The following CORO1C variants were observed in gnomAD, a reference collection of about 807,000 sequenced individuals.
CORO1C encodes the protein coronin-1C.
In CORO1C, 14 loss-of-function variants were observed where a neutral mutation model predicts 51.2. The ratio of observed to expected loss-of-function variants is 0.27; its 90% CI spans 0.18 to 0.43. CORO1C has a LOEUF of 0.43. Ranked by LOEUF, CORO1C falls within the 20% of genes least tolerant of loss-of-function variation. CORO1C has a pLI of 1.00. For synonymous variants in CORO1C, 181 were observed against 210.5 expected, an observed-to-expected ratio of 0.86 and a Z score of 1.21; for missense variants, 417 against 607.8, an observed-to-expected ratio of 0.69 and a Z score of 3.30.
At chr12:108,726,614 A>T (rs2035599210) in intron 1 of CORO1C, among the ~76,000 whole-genome samples, 1 of 151,516 alleles carries the variant, frequency 6.6e-6, no homozygotes, top group South Asian at 2.1e-4. Context: ...GTTCAAGACC[A>T]GCCTATACAA....
chr12:108,703,014 T>C, intron 1 of CORO1C: 4 of 1,368,696 alleles, frequency 2.9e-6, no homozygotes, highest in Non-Finnish European at 3.9e-6. Context: ...TTGGAATCAA[T>C]ATGAATACTT....
At chr12:108,684,996 A>G (rs2034248904) in intron 2 of CORO1C, among the ~76,000 whole-genome samples, 1 of 152,192 alleles carries the variant, frequency 6.6e-6, no homozygotes, top group Non-Finnish European at 1.5e-5. Context: ...GGCCAACTAT[A>G]GTACTGAGCT....
intron 3 of CORO1C, among the ~76,000 whole-genome samples, chr12:108,674,144 A>T (rs2033816148): frequency 6.6e-6 from 1 of 152,356 alleles, no homozygotes; most frequent in African/African-American, 2.4e-5. Flanking sequence ...GCTAACATCA[A>T]TTCTGCAGCC....
chr12:108,648,516 C>G, intron 10 of CORO1C, 89 bp downstream of exon 10: 1 of 1,558,424 alleles, frequency 6.4e-7, no homozygotes, highest in Non-Finnish European at 8.8e-7. Flanking sequence ...CCAGCTGGGA[C>G]AGTACTCGCC....
intron 2 of CORO1C, among the ~76,000 whole-genome samples, chr12:108,698,861 C>G (rs934924711): frequency 6.6e-6 from 1 of 152,240 alleles, no homozygotes; most frequent in Non-Finnish European, 1.5e-5. Flanking sequence ...GATCTTCCCT[C>G]TATGCCACAT....
chr12:108,721,621 T>C (rs1216327857), intron 1 of CORO1C, among the ~76,000 whole-genome samples: 1 of 152,238 alleles, frequency 6.6e-6, no homozygotes, highest in African/African-American at 2.4e-5. Flanking sequence ...ATATTTTGCA[T>C]CATAAAATGT....
At chr12:108,691,096 G>T (rs1228899212) in intron 2 of CORO1C, among the ~76,000 whole-genome samples, 1 of 151,870 alleles carries the variant, frequency 6.6e-6, no homozygotes, top group African/African-American at 2.4e-5. Context: ...AACTTTTTTT[G>T]GGGGGTGGGA....
intron 3 of CORO1C, 103 bp downstream of exon 3, chr12:108,678,169 G>T: frequency 1.0e-6 from 1 of 1,002,654 alleles, no homozygotes; most frequent in Non-Finnish European, 1.4e-6. Flanking sequence ...ATAACGTTCT[G>T]CTTTTCAAGC....
At chr12:108,730,730 T>A (rs1225692439) in intron 1 of CORO1C, 1 of 153,484 alleles carries the variant, frequency 6.5e-6, no homozygotes, top group African/African-American at 2.4e-5. Flanking sequence ...TCTGCTCCCT[T>A]GGCCGGGCTC....
At chr12:108,719,943 G>C (rs1309750948) in intron 1 of CORO1C, among the ~76,000 whole-genome samples, 1 of 152,150 alleles carries the variant, frequency 6.6e-6, no homozygotes, top group East Asian at 1.9e-4. Context: ...CCAGCACTTT[G>C]GGAGGCTGAG....
chr12:108,660,451 C>CAAAAAAAA (rs139334112), intron 4 of CORO1C, among the ~76,000 whole-genome samples: 2 of 87,508 alleles, frequency 2.3e-5, no homozygotes, highest in Non-Finnish European at 4.5e-5. Context: ...AACTCCATCT[C>CAAAAAAAA]AAAAAAAAAA....
At chr12:108,649,088 T>C in intron 8 of CORO1C, 68 bp from the exon 9 acceptor site, 5 of 1,559,144 alleles carry the variant, frequency 3.2e-6, no homozygotes, top group Non-Finnish European at 3.5e-6. Context: ...GGATGAATAA[T>C]TAGTTTTCTA....
chr12:108,667,310 C>A (rs769941523), intron 3 of CORO1C, among the ~76,000 whole-genome samples: 10 of 152,174 alleles, frequency 6.6e-5, no homozygotes, highest in Non-Finnish European at 1.0e-4. Context: ...ACAGTAAGGA[C>A]AGATCTGATC....
intron 2 of CORO1C, among the ~76,000 whole-genome samples, chr12:108,698,065 G>GA (rs1338884442): frequency 1.3e-5 from 2 of 151,778 alleles, no homozygotes; most frequent in Admixed American, 6.6e-5. Flanking sequence ...CAACTTAGAA[G>GA]AAAAAAAAGG....
At chr12:108,723,026 G>GC (rs1215676773) in intron 1 of CORO1C, among the ~76,000 whole-genome samples, 1 of 152,182 alleles carries the variant, frequency 6.6e-6, no homozygotes, top group Non-Finnish European at 1.5e-5. Flanking sequence ...CAGACAACGT[G>GC]CATCTTATTA....
intron 1 of CORO1C, among the ~76,000 whole-genome samples, chr12:108,702,372 G>A (rs921508831): frequency 6.6e-6 from 1 of 152,166 alleles, no homozygotes. Context: ...GGGGAGGGGA[G>A]GTGACACAGA....
chr12:108,671,449 C>A, intron 3 of CORO1C, among the ~76,000 whole-genome samples: 4 of 136,702 alleles, frequency 2.9e-5, no homozygotes, highest in Non-Finnish European at 4.8e-5. Context: ...TAAAGAAAAC[C>A]AAAGCAAAGG....
chr12:108,674,169 T>C (rs893553900), intron 3 of CORO1C, among the ~76,000 whole-genome samples: 3 of 152,216 alleles, frequency 2.0e-5, no homozygotes, highest in Non-Finnish European at 4.4e-5. Context: ...GAACAAGGAA[T>C]CATTTTGACT....
At chr12:108,673,207 T>A (rs1397901991) in intron 3 of CORO1C, among the ~76,000 whole-genome samples, 1 of 152,242 alleles carries the variant, frequency 6.6e-6, no homozygotes, top group Non-Finnish European at 1.5e-5. Context: ...TTAAAAGTGC[T>A]ACTCCAGTGA....
Sources: allele counts gnomAD v4.1 joint callset (sites outside exome capture counted in the v4.1 genomes callset), GRCh38; gene constraint gnomAD v4.1.1; transcripts MANE v1.5; gene names NCBI Gene and HGNC (gene_info 2026-07-23, HGNC 2026-07-21).